ACRBP: variants seen among roughly 807,000 people sequenced by gnomAD.
ACRBP encodes acrosin-binding protein.
A neutral mutation model predicts 69.0 loss-of-function variants in ACRBP; 52 were observed. The observed-to-expected ratio is 0.75, with a 90% CI of 0.60 to 0.95. The LOEUF (loss-of-function observed/expected upper bound fraction) is 0.95, where lower values mean the gene tolerates loss of function less well. Among genes scored for constraint, ACRBP ranks in the 40% least tolerant of loss-of-function variants. The probability of loss-of-function intolerance (pLI) is 0.00; values close to 1 mark genes in which losing one functional copy is unlikely to be tolerated. For missense variants in ACRBP, 604 were observed against 673.0 expected (o/e 0.90, Z 1.13); for synonymous variants, 267 against 258.9 (o/e 1.03, Z -0.30).
intron 9 of ACRBP, 149 bp from the exon 10 acceptor site, chr12:6,638,553 T>C (rs143609309): frequency 1.6e-6 from 2 of 1,281,082 alleles, no homozygotes; most frequent in African/African-American, 1.5e-5. Context: ...CAAATGTGGG[T>C]TTTTAAAGCC....
Position 6,644,216 on chromosome 12 carries a change from T to TG in ACRBP, c.864dup (p.Ile289HisfsTer9). The TG allele has an allele frequency of 6.2e-7, 1 of 1,613,564 alleles. No homozygotes were observed. The highest frequency in any genetic ancestry group is 8.5e-7 in the Non-Finnish European group (1 of 1,179,600). On this transcript the variant is annotated frameshift_variant, in exon 5 of 10. Transcript: ENST00000229243. LOFTEE classifies it high-confidence loss of function. ...TCATCTATTTCCTGGGCTGATCGAA[T>TG]GAGCTCCTGGATGTTCTCCATTATC...
At chr12:6,639,980 C>T in intron 8 of ACRBP, 80 bp downstream of exon 8, 7 of 1,528,742 alleles carry the variant, frequency 4.6e-6, no homozygotes, top group Non-Finnish European at 6.2e-6. Context: ...CTTCCACAAA[C>T]TAGCGCTACT....
chr12:6,647,389 T>G lies in ACRBP; in HGVS notation c.-23A>C, dbSNP rs1046372212. ...CATGGCCGGAGAAGATCCGCCCGCGTCCCGTGGACACAAGCCGCCTCTAAC... is the reference window on the plus strand; with the variant it reads ...CATGGCCGGAGAAGATCCGCCCGCGGCCCGTGGACACAAGCCGCCTCTAAC... On this transcript the variant is annotated 5_prime_UTR_variant, in exon 1 of 10. Transcript: ENST00000229243. The G allele has an allele frequency of 1.3e-6, 2 of 1,511,978 alleles. No individual in the cohort carries two copies. Among genetic ancestry groups the G allele is most frequent in the African/African-American group, 2.8e-5 (2 of 70,832 alleles). 93.7% of individuals were successfully genotyped at this position (1,511,978 alleles called of 1,614,324 possible).
intron 6 of ACRBP, among the ~76,000 whole-genome samples, chr12:6,641,899 G>A (rs1239527761): frequency 1.3e-5 from 2 of 152,138 alleles, no homozygotes; most frequent in Non-Finnish European, 1.5e-5. Flanking sequence ...AAATACAAAA[G>A]AAATTTCTAC....
Position 6,644,603 on chromosome 12 carries a change from T to C in ACRBP, c.478A>G (p.Thr160Ala). The change falls in exon 5 of 10, where the codon ACA (threonine) becomes GCA (alanine). Residue 160 changes from threonine to alanine, a missense_variant and splice_region_variant. This residue lies in a region of ACRBP where 532 missense variants were observed against 562.9 expected (regional missense o/e 0.95). Coordinates refer to ENST00000229243, the MANE Select transcript of ACRBP (RefSeq NM_032489.3). ...CAGGGCTGGAAGGTCTGGCGTTCTG[T>C]CACTACAGCAGGGTTTAGAGAGAAG... is the stretch of plus-strand genomic sequence containing the variant. ...TSPISPHFTV[T>A]ERQTFQPWPE... 1 of 1,611,066 alleles carries C rather than the reference T, an allele frequency of 6.2e-7. No homozygotes were observed. Among genetic ancestry groups the C allele is most frequent in the East Asian group, 2.2e-5 (1 of 44,860 alleles).
chr12:6,644,723 A>G (rs1949076167), intron 4 of ACRBP, 118 bp from the exon 5 acceptor site: 2 of 1,402,748 alleles, frequency 1.4e-6, no homozygotes, highest in African/African-American at 2.9e-5. Context: ...TTATACACAC[A>G]GAAAAACACA....
rs114920773 is a variant in ACRBP at position 6,640,205 on chromosome 12, C to T, written c.1280G>A (p.Arg427His). ...ACCGTACAAATCCAGCCCGTAAAAGCGGCCTGATTCTGGGGACCCTACCTG... is the reference window on the plus strand; with the variant it reads ...ACCGTACAAATCCAGCCCGTAAAAGTGGCCTGATTCTGGGGACCCTACCTG... The part of the protein sequence containing the change: ...GNQVGSPESG[R>H]FYGLDLYGGL... The change falls in exon 8 of 10, where the codon CGC becomes CAC. Residue 427 changes from arginine (R) to histidine (H), a missense_variant. Physicochemically the swap from Arg to His is conservative, Grantham distance 29. Around this residue, in one of 3 missense-constraint regions of ACRBP, gnomAD observed 532 missense variants for 562.9 expected, o/e 0.95. Transcript: ENST00000229243. This position sits in a 1 kb window ranked among gnomAD's most constrained non-coding sequence, Gnocchi z 5.3. 50 of 1,614,146 alleles carry T rather than the reference C, an allele frequency of 3.1e-5. 1 individual carries two copies. In the African/African-American group the frequency reaches 3.2e-4, roughly 10 times the overall value.
Position 6,646,480 on chromosome 12 carries a change from C to T in ACRBP, c.357+3G>A, listed in dbSNP as rs1949090043. 5 of 1,613,732 alleles carry T rather than the reference C, an allele frequency of 3.1e-6. No homozygotes were observed. The highest frequency in any genetic ancestry group is 4.2e-6 in the Non-Finnish European group (5 of 1,179,798). ...CAAATCCAACCTTTGTCCTGGGCCT[C>T]ACCTTGGCATAGTAGACGTGGTTGG... On this transcript the variant is annotated splice_donor_region_variant and intron_variant, in intron 3 of 9. Transcript: ENST00000229243.
At chr12:6,639,969 C>T in intron 8 of ACRBP, 91 bp downstream of exon 8, 1 of 1,480,406 alleles carries the variant, frequency 6.8e-7, no homozygotes, top group East Asian at 2.3e-5. Flanking sequence ...GCCCAAGCCC[C>T]CTTCCACAAA....
chr12:6,643,749 C>G, intron 5 of ACRBP, 78 bp from the exon 6 acceptor site: 1 of 1,567,968 alleles, frequency 6.4e-7, no homozygotes, highest in Admixed American at 1.7e-5. Context: ...CTTCCCCTTC[C>G]CTTAGTGTCT....
intron 6 of ACRBP, among the ~76,000 whole-genome samples, chr12:6,641,017 G>T (rs1262692874): frequency 6.6e-6 from 1 of 152,214 alleles, no homozygotes; most frequent in Non-Finnish European, 1.5e-5. Context: ...TATAACAGCA[G>T]AGATACTAAT....
chr12:6,644,739 G>T (rs1476925990), intron 4 of ACRBP, 134 bp from the exon 5 acceptor site: 3 of 1,366,404 alleles, frequency 2.2e-6, no homozygotes, highest in Non-Finnish European at 2.9e-6. Context: ...ACACAGAAAA[G>T]AACATAAGTA....
rs963525694 is a variant in ACRBP, at chr12:6,643,724, A to G, written c.945-53T>C. 8.8e-6 allele frequency: 14 copies of G among 1,599,296 alleles called. No homozygotes were observed. The African/African-American group carries it at 1.7e-4, about 20-fold the overall frequency. On this transcript the variant is annotated intron_variant, in intron 5 of 9. Coordinates refer to ENST00000229243, the MANE Select transcript of ACRBP (RefSeq NM_032489.3). Reference sequence around the variant, plus strand: ...GCTGGGCCAGGTGGCCCGGGCAGGAAACTACATCCAGTCTCTTCCCCTTCC... The same window carrying G: ...GCTGGGCCAGGTGGCCCGGGCAGGAGACTACATCCAGTCTCTTCCCCTTCC...
chr12:6,646,757 C>G (rs769877349), intron 2 of ACRBP, 37 bp downstream of exon 2: 4 of 1,610,746 alleles, frequency 2.5e-6, no homozygotes, highest in Non-Finnish European at 3.4e-6. Flanking sequence ...GGTGAACACT[C>G]TGGGTGCCTC....
chr12:6,638,341 C>T lies in ACRBP; in HGVS notation c.1573G>A (p.Asp525Asn), dbSNP rs1949026104. ...YSALSPGKSE[D>N]VVLRWSQEFS... The stretch of plus-strand genomic sequence containing the variant: ...TCCTGGCTCCATCGAAGCACAACGT[C>T]CTCACTTTTGCCAGGGCTCAGCGCA... Residue 525 changes from aspartate (D) to asparagine (N), a missense_variant, in exon 10 of 10, where the codon GAC becomes AAC. Asp to Asn is a conservative substitution (Grantham distance 23). Coordinates refer to ENST00000229243, the MANE Select transcript of ACRBP (RefSeq NM_032489.3). 6.2e-7 allele frequency: 1 copy of T among 1,614,128 alleles called. No homozygotes were observed. The highest frequency in any genetic ancestry group is 8.5e-7 in the Non-Finnish European group (1 of 1,180,028).
rs756092794 is a variant in ACRBP at position 6,640,246 on chromosome 12, G to C, written c.1258-19C>G. ...ACCCTACCTGTGGCACAGGAGATAG[G>C]GGAGAGGTGCGTGCCCCTCCCCACC... On this transcript the variant is annotated intron_variant, in intron 7 of 9. Coordinates refer to ENST00000229243, the MANE Select transcript of ACRBP (RefSeq NM_032489.3). This position sits in a 1 kb window ranked among gnomAD's most constrained non-coding sequence, Gnocchi z 5.3. 55 of 1,613,778 alleles carry C rather than the reference G, an allele frequency of 3.4e-5. No homozygotes were observed. The Admixed American group carries it at 9.2e-4, about 27-fold the overall frequency.
intron 6 of ACRBP, 82 bp downstream of exon 6, chr12:6,643,457 C>A: frequency 6.4e-7 from 1 of 1,552,308 alleles, no homozygotes; most frequent in South Asian, 1.2e-5. Flanking sequence ...CCTGCCCATC[C>A]TCCACTCCCA....
rs563442506 is a variant in ACRBP at position 6,638,363 on chromosome 12, C to T, written c.1551G>A (p.Ala517=). The T allele has an allele frequency of 2.9e-5, 47 of 1,614,104 alleles. No individual in the cohort carries two copies. In the Middle Eastern group the frequency reaches 6.6e-4, roughly 23 times the overall value. ...MRCLQNETYS[A]LSPGKSEDVV... ...CGTCCTCACTTTTGCCAGGGCTCAGCGCACTGTAAGTCTCATTCTGCAGAC... is the reference window on the plus strand; with the variant it reads ...CGTCCTCACTTTTGCCAGGGCTCAGTGCACTGTAAGTCTCATTCTGCAGAC... Residue 517 remains alanine (A), a synonymous_variant, in exon 10 of 10, where the codon GCG becomes GCA. Coordinates refer to ENST00000229243, the MANE Select transcript of ACRBP (RefSeq NM_032489.3).
intron 6 of ACRBP, among the ~76,000 whole-genome samples, chr12:6,642,763 A>C (rs1424263461): frequency 4.6e-5 from 7 of 152,194 alleles, no homozygotes; most frequent in Non-Finnish European, 1.0e-4. Flanking sequence ...CTCTCGAAAA[A>C]TGTTTGCTAA....
Sources: allele counts gnomAD v4.1 joint callset (sites outside exome capture counted in the v4.1 genomes callset), GRCh38; gene constraint gnomAD v4.1.1; regional missense constraint gnomAD v4.1.1; non-coding constraint Gnocchi (gnomAD v3.1); transcripts MANE v1.5; gene names NCBI Gene and HGNC (gene_info 2026-07-23, HGNC 2026-07-21).